Variants in DTNA observed in about 807,000 individuals in gnomAD.
DTNA encodes dystrobrevin alpha, also known as dystrophin-related protein 3.
In DTNA, 43 loss-of-function variants were observed where a neutral mutation model predicts 100.7. The observed-to-expected ratio is 0.43, with a 90% CI of 0.33 to 0.55. DTNA has a LOEUF of 0.55. Ranked by LOEUF, DTNA falls within the 20% of genes least tolerant of loss-of-function variation. DTNA has a pLI of 0.04. For synonymous variants in DTNA, 349 were observed against 347.9 expected, an observed-to-expected ratio of 1.00 and a Z score of -0.04; for missense variants, 798 against 953.9, an observed-to-expected ratio of 0.84 and a Z score of 2.15.
intron 1 of DTNA, among the ~76,000 whole-genome samples, chr18:34,671,751 A>G (rs2076786147): frequency 6.6e-6 from 1 of 151,648 alleles, no homozygotes; most frequent in South Asian, 2.1e-4. Flanking sequence ...TTCTTCCTTT[A>G]TTTCTTCATT....
intron 1 of DTNA, among the ~76,000 whole-genome samples, chr18:34,648,654 A>T (rs925147855): frequency 1.3e-5 from 2 of 152,234 alleles, no homozygotes; most frequent in African/African-American, 2.4e-5. Context: ...CTTTATTCAG[A>T]TTCTTTTAGA....
chr18:34,776,441 T>A (rs1183393342), intron 3 of DTNA, among the ~76,000 whole-genome samples: 1 of 152,136 alleles, frequency 6.6e-6, no homozygotes, highest in Non-Finnish European at 1.5e-5. Flanking sequence ...TCAAGCTGCA[T>A]CAGCTTGATT....
chr18:34,647,064 G>A (rs1390039450), intron 1 of DTNA, among the ~76,000 whole-genome samples: 1 of 150,696 alleles, frequency 6.6e-6, no homozygotes, highest in African/African-American at 2.5e-5. Context: ...AAGTGAGATA[G>A]ACCCATGTTT....
chr18:34,515,547 T>C (rs1169118112), intron 1 of DTNA, among the ~76,000 whole-genome samples: 1 of 152,148 alleles, frequency 6.6e-6, no homozygotes, highest in Non-Finnish European at 1.5e-5. Flanking sequence ...TCGATTGTAT[T>C]GTGGGGCATC....
At chr18:34,875,151 A>G in intron 17 of DTNA, 88 bp from the exon 18 acceptor site, 1 of 1,546,818 alleles carries the variant, frequency 6.5e-7, no homozygotes, top group Non-Finnish European at 8.8e-7. Flanking sequence ...TTTCATTGTC[A>G]CTGTTTTCAA....
At chr18:34,857,454 C>T (rs1379363575) in intron 15 of DTNA, among the ~76,000 whole-genome samples, 1 of 152,128 alleles carries the variant, frequency 6.6e-6, no homozygotes, top group East Asian at 1.9e-4. Flanking sequence ...GACTTATAAC[C>T]CTGCTTAATG....
chr18:34,890,025 AGT>A lies in DTNA; in HGVS notation c.*2292_*2293del. The A allele has an allele frequency of 7.9e-7, 1 of 1,261,068 alleles. No individual in the cohort carries two copies. The highest frequency in any genetic ancestry group is 1.0e-6 in the Non-Finnish European group (1 of 1,000,210). The allele number at this position is 1,261,068 out of a possible 1,614,324, so 78.1% of individuals were successfully genotyped here. A position where few individuals can be genotyped will look rare whatever the true frequency, so the allele number is the denominator to read the frequency against. ...TGTCAGCTCAAAATCATAGCCAGGT[AGT>A]TCTTGAACTCAGAACTTAAATCCTG... On this transcript the variant is annotated 3_prime_UTR_variant, in exon 23 of 23. Coordinates refer to ENST00000444659, the MANE Select transcript of DTNA (RefSeq NM_001386795.1).
rs1313230966 is a variant in DTNA, at chr18:34,889,312, A to C, written c.*1578A>C. On this transcript the variant is annotated 3_prime_UTR_variant, in exon 23 of 23. Coordinates refer to ENST00000444659, the MANE Select transcript of DTNA (RefSeq NM_001386795.1). ...AAGGTCTTCGAAATACTAATTTGTA[A>C]GCCCCACCTCAGGCCTACTGAATCA... The C allele has an allele frequency of 1.0e-6, 1 of 981,776 alleles. No homozygotes were observed. The highest frequency in any genetic ancestry group is 1.7e-5 in the African/African-American group (1 of 57,160). The allele number at this position is 981,776 out of a possible 1,614,324, so 60.8% of individuals were successfully genotyped here.
intron 1 of DTNA, among the ~76,000 whole-genome samples, chr18:34,633,261 C>T (rs2058290452): frequency 6.6e-6 from 1 of 152,086 alleles, no homozygotes; most frequent in South Asian, 2.1e-4. Flanking sequence ...CACAAAATCT[C>T]ATTTGAAATC....
At chr18:34,771,880 T>C (rs2093791290) in intron 3 of DTNA, among the ~76,000 whole-genome samples, 1 of 152,210 alleles carries the variant, frequency 6.6e-6, no homozygotes, top group Non-Finnish European at 1.5e-5. Context: ...GACAAATAGC[T>C]GTTTCTACCA....
At chr18:34,719,721 A>G (rs1481741843) in intron 1 of DTNA, among the ~76,000 whole-genome samples, 2 of 152,212 alleles carry the variant, frequency 1.3e-5, no homozygotes, top group Admixed American at 1.3e-4. Context: ...AGAAATAGTA[A>G]CAAGATTTTT....
chr18:34,559,030 T>C (rs1281750834), intron 1 of DTNA, among the ~76,000 whole-genome samples: 2 of 152,172 alleles, frequency 1.3e-5, no homozygotes, highest in African/African-American at 4.8e-5. Context: ...TGGCAACAGT[T>C]TCACCAGTAG....
At chr18:34,847,286 C>A (rs1373227747) in intron 13 of DTNA, among the ~76,000 whole-genome samples, 2 of 152,012 alleles carry the variant, frequency 1.3e-5, no homozygotes, top group East Asian at 1.9e-4. Flanking sequence ...TTATAGGAGG[C>A]ACTAAAAAAT....
rs768636302 is a variant in DTNA at position 34,825,256 on chromosome 18, G to A, written c.1002-2337G>A. On this transcript the variant is annotated intron_variant, in intron 9 of 22. Transcript: ENST00000444659. ...CGGTCTCTATTCTGTTCAATTCTTC[G>A]CTGCCAAAAGTGATACTTGGTAAGT... 6 of 1,613,056 alleles carry A rather than the reference G, an allele frequency of 3.7e-6. No individual in the cohort carries two copies. The highest frequency in any genetic ancestry group is 5.1e-6 in the Non-Finnish European group (6 of 1,179,886).
intron 8 of DTNA, among the ~76,000 whole-genome samples, chr18:34,819,295 C>T (rs1786595): frequency 0.25 from 38,665 of 151,974 alleles, 5,075 homozygotes; most frequent in African/African-American, 0.29. Context: ...TATTGGGAAC[C>T]AATATTCAGT....
chr18:34,801,973 C>T (rs902211565), intron 4 of DTNA, among the ~76,000 whole-genome samples: 2 of 152,172 alleles, frequency 1.3e-5, no homozygotes, highest in Non-Finnish European at 2.9e-5. Context: ...AGGCTGATCC[C>T]GCCCCTAAAA....
intron 11 of DTNA, among the ~76,000 whole-genome samples, chr18:34,834,706 C>A (rs1309111570): frequency 6.6e-6 from 1 of 151,994 alleles, no homozygotes; most frequent in African/African-American, 2.4e-5. Flanking sequence ...ACAACCAGCC[C>A]TCAAGGGAAC....
intron 1 of DTNA, among the ~76,000 whole-genome samples, chr18:34,587,850 A>G (rs953939257): frequency 2.0e-5 from 3 of 152,160 alleles, no homozygotes; most frequent in Admixed American, 6.5e-5. Context: ...GGTTTGTCTG[A>G]GACTTTCCTA....
chr18:34,847,467 A>G (rs774707437), intron 13 of DTNA, among the ~76,000 whole-genome samples: 3 of 152,224 alleles, frequency 2.0e-5, no homozygotes, highest in Non-Finnish European at 4.4e-5. Context: ...AACATTTATC[A>G]TCTCAGAATT....
Sources: allele counts gnomAD v4.1 joint callset (sites outside exome capture counted in the v4.1 genomes callset), GRCh38; gene constraint gnomAD v4.1.1; transcripts MANE v1.5; gene names NCBI Gene and HGNC (gene_info 2026-07-23, HGNC 2026-07-21).